PARD3B: variants seen among roughly 807,000 people sequenced by gnomAD.
PARD3B encodes partitioning defective 3 homolog B.
In PARD3B, 103 loss-of-function variants were observed where a neutral mutation model predicts 130.2. The observed-to-expected ratio is 0.79, with a 90% confidence interval of 0.67 to 0.93. PARD3B has a LOEUF of 0.93. PARD3B is among the 40% of genes least tolerant of loss of function. PARD3B has a pLI of 0.00. For missense variants in PARD3B, 1,609 were observed against 1,499.2 expected (o/e 1.07, Z -1.21); for synonymous variants, 583 against 553.2 (o/e 1.05, Z -0.76).
intron 1 of PARD3B, among the ~76,000 whole-genome samples, chr2:204,567,677 T>C (rs2031755138): frequency 3.9e-5 from 6 of 152,342 alleles, no homozygotes; most frequent in Admixed American, 3.9e-4. Context: ...TGAACATGAG[T>C]GTACAAGTGT....
chr2:204,824,240 G>T (rs931514717), intron 2 of PARD3B, among the ~76,000 whole-genome samples: 3 of 152,160 alleles, frequency 2.0e-5, no homozygotes, highest in African/African-American at 7.2e-5. Context: ...TTGGCCAATG[G>T]AGAATCCTAC....
At chr2:204,963,206 C>G (rs1690908649) in intron 2 of PARD3B, among the ~76,000 whole-genome samples, 1 of 152,134 alleles carries the variant, frequency 6.6e-6, no homozygotes, top group Non-Finnish European at 1.5e-5. Context: ...TCTGTTCTAC[C>G]ATTTGATAAA....
At chr2:205,377,506 A>G (rs1273158481) in intron 18 of PARD3B, among the ~76,000 whole-genome samples, 2 of 152,044 alleles carry the variant, frequency 1.3e-5, no homozygotes, top group African/African-American at 4.8e-5. Flanking sequence ...GGAAGAGGGA[A>G]AGAACCAGCA....
intron 14 of PARD3B, among the ~76,000 whole-genome samples, chr2:205,191,551 G>A (rs1294197220): frequency 2.0e-5 from 3 of 152,118 alleles, no homozygotes; most frequent in African/African-American, 4.8e-5. Flanking sequence ...ATAGTGTTTT[G>A]GGAAGCAAAA....
intron 2 of PARD3B, among the ~76,000 whole-genome samples, chr2:204,751,861 A>G (rs2040479148): frequency 6.6e-6 from 1 of 152,206 alleles, no homozygotes; most frequent in Admixed American, 6.6e-5. Context: ...AAATGTAATC[A>G]CTGACTTAAA....
At chr2:205,428,680 C>T (rs1334712978) in intron 19 of PARD3B, among the ~76,000 whole-genome samples, 1 of 151,880 alleles carries the variant, frequency 6.6e-6, no homozygotes, top group Non-Finnish European at 1.5e-5. Context: ...TGTTAAGAAT[C>T]AAGATTTTGC....
intron 2 of PARD3B, among the ~76,000 whole-genome samples, chr2:204,847,277 G>C (rs2044503316): frequency 6.8e-6 from 1 of 147,164 alleles, no homozygotes; most frequent in Non-Finnish European, 1.5e-5. Flanking sequence ...AAATGGCTTT[G>C]ACTAGAAGCC....
At chr2:205,228,615 T>C (rs1267280135) in intron 15 of PARD3B, among the ~76,000 whole-genome samples, 1 of 152,188 alleles carries the variant, frequency 6.6e-6, no homozygotes. Context: ...CTTGGTGTTC[T>C]ATATCTTTCT....
At chr2:205,113,185 CTT>C (rs1197159589) in intron 5 of PARD3B, among the ~76,000 whole-genome samples, 2 of 152,088 alleles carry the variant, frequency 1.3e-5, no homozygotes, top group African/African-American at 4.8e-5. Flanking sequence ...TTGTGTACCT[CTT>C]TTAAAATATG....
At chr2:204,866,992 C>G (rs2045447131) in intron 2 of PARD3B, among the ~76,000 whole-genome samples, 1 of 152,020 alleles carries the variant, frequency 6.6e-6, no homozygotes, top group Non-Finnish European at 1.5e-5. Context: ...TCTCCTGAAA[C>G]CAGGATGCAG....
chr2:205,160,945 G>A lies in PARD3B; in HGVS notation c.1620+2038G>A, dbSNP rs2034471117. 6.6e-6 allele frequency among the ~76,000 whole-genome samples: 1 copy of A among 152,162 alleles called. No homozygotes were observed. Among genetic ancestry groups the A allele is most frequent in the Non-Finnish European group, 1.5e-5 (1 of 68,034 alleles). ...CATATGATCCATTCATGTTCCTAGA[G>A]AGCAGGGCCTGTTCGCCTGGAGGTG... On this transcript the variant is annotated intron_variant, in intron 11 of 22. Transcript: ENST00000406610. The surrounding 1 kb of genome is among the most constrained non-coding windows in gnomAD (Gnocchi z 4.0).
At chr2:205,570,142 C>G (rs546603297) in intron 22 of PARD3B, among the ~76,000 whole-genome samples, 11 of 152,186 alleles carry the variant, frequency 7.2e-5, no homozygotes, top group Admixed American at 1.3e-4. Flanking sequence ...GGTTCTTAAT[C>G]TGGGATCTGT....
intron 3 of PARD3B, among the ~76,000 whole-genome samples, chr2:205,013,158 C>A (rs1695861124): frequency 1.3e-5 from 2 of 152,154 alleles, no homozygotes. Context: ...TTTACTTGGT[C>A]CGGTGACAGT....
intron 3 of PARD3B, among the ~76,000 whole-genome samples, chr2:205,000,275 T>C (rs1277797983): frequency 6.6e-6 from 1 of 152,230 alleles, no homozygotes; most frequent in Non-Finnish European, 1.5e-5. Context: ...TGTTAAATTA[T>C]GTTTTCAGTG....
rs150245515 is a variant in PARD3B at position 204,975,355 on chromosome 2, T to C, written c.394+10032T>C. On this transcript the variant is annotated intron_variant, in intron 3 of 22. Coordinates refer to ENST00000406610, the MANE Select transcript of PARD3B (RefSeq NM_001302769.2). ...ATAACTAAGGTCTCAAGTCTCTCCA[T>C]GACTACCAACAATGTCCGCTACTCC... Among the ~76,000 whole-genome samples, 482 of 152,326 alleles carry C rather than the reference T, an allele frequency of 3.2e-3. 4 individuals carry two copies. The highest frequency in any genetic ancestry group is 0.011 in the African/African-American group (450 of 41,570).
At chr2:204,655,125 T>G (rs1383714439) in intron 1 of PARD3B, among the ~76,000 whole-genome samples, 1 of 152,216 alleles carries the variant, frequency 6.6e-6, no homozygotes. Flanking sequence ...TTTCATTGGC[T>G]GCAAGTACAC....
At chr2:204,997,956 G>C (rs900505049) in intron 3 of PARD3B, among the ~76,000 whole-genome samples, 5 of 114,158 alleles carry the variant, frequency 4.4e-5, no homozygotes, top group African/African-American at 1.5e-4. Flanking sequence ...TATAGTGAGT[G>C]TATGTGTATA....
At chr2:204,783,629 C>G (rs941990326) in intron 2 of PARD3B, among the ~76,000 whole-genome samples, 1 of 152,106 alleles carries the variant, frequency 6.6e-6, no homozygotes, top group African/African-American at 2.4e-5. Context: ...AAGAACATTA[C>G]TTTTGCATCA....
Position 204,907,396 on chromosome 2 carries a change from A to G in PARD3B, c.223-57756A>G, listed in dbSNP as rs146825352. Among the ~76,000 whole-genome samples the G allele has an allele frequency of 5.3e-5, 8 of 152,326 alleles. No individual in the cohort carries two copies. In the East Asian group the frequency reaches 1.5e-3, roughly 29 times the overall value. On this transcript the variant is annotated intron_variant, in intron 2 of 22. Transcript: ENST00000406610. The surrounding 1 kb of genome is among the most constrained non-coding windows in gnomAD (Gnocchi z 5.7). Reference sequence around the variant, plus strand: ...TAAATTTTAGTACACCTTCATTTACATTTCTATTTGAATGTAAATTATATT... The same window carrying G: ...TAAATTTTAGTACACCTTCATTTACGTTTCTATTTGAATGTAAATTATATT...
Sources: gnomAD v4.1 joint callset for allele counts (sites outside exome capture counted in the v4.1 genomes callset) on GRCh38, gnomAD v4.1.1 for gene constraint, Gnocchi (gnomAD v3.1) non-coding constraint, MANE v1.5 for transcripts, NCBI Gene and HGNC (gene_info 2026-07-23, HGNC 2026-07-21) for gene names.